ARSB: variants seen among roughly 807,000 people sequenced by gnomAD.
The protein encoded by ARSB is N-acetylgalactosamine-4-sulfatase.
In ARSB, 41 loss-of-function variants were observed where a neutral mutation model predicts 50.9. The ratio of observed to expected loss-of-function variants is 0.81; its 90% CI spans 0.63 to 1.04. The LOEUF is 1.04. Among genes scored for constraint, ARSB ranks in the 50% least tolerant of loss-of-function variants. The pLI is 0.00. For synonymous variants in ARSB, 269 were observed against 284.8 expected (o/e 0.94, Z 0.56); for missense variants, 672 against 693.3 (o/e 0.97, Z 0.35).
At chr5:78,950,169 G>A (rs954889615) in intron 4 of ARSB, among the ~76,000 whole-genome samples, 1 of 152,132 alleles carries the variant, frequency 6.6e-6, no homozygotes, top group Non-Finnish European at 1.5e-5. Context: ...CTTCCTAACA[G>A]CCACTAGTGC....
intron 5 of ARSB, among the ~76,000 whole-genome samples, chr5:78,858,528 T>C (rs1746268013): frequency 6.6e-6 from 1 of 152,146 alleles, no homozygotes; most frequent in African/African-American, 2.4e-5. Flanking sequence ...ATTTTCCTAT[T>C]AGTTGAAGGG....
chr5:78,910,286 G>C (rs1443967859), intron 4 of ARSB, among the ~76,000 whole-genome samples: 1 of 152,230 alleles, frequency 6.6e-6, no homozygotes, highest in East Asian at 1.9e-4. Flanking sequence ...CTTTGTCTCT[G>C]TGTCTTATTT....
intron 6 of ARSB, among the ~76,000 whole-genome samples, chr5:78,803,398 T>C (rs1054752532): frequency 2.0e-5 from 3 of 152,248 alleles, no homozygotes; most frequent in Non-Finnish European, 4.4e-5. Flanking sequence ...AAGAGAAATA[T>C]GTGCTACTAA....
chr5:78,922,634 G>A (rs1171231648), intron 4 of ARSB, among the ~76,000 whole-genome samples: 2 of 151,214 alleles, frequency 1.3e-5, no homozygotes, highest in Admixed American at 6.6e-5. Context: ...CAGCTGTGGT[G>A]CCTATAAGGA....
chr5:78,933,353 T>G (rs557751775), intron 4 of ARSB, among the ~76,000 whole-genome samples: 38 of 152,310 alleles, frequency 2.5e-4, no homozygotes, highest in Non-Finnish European at 2.6e-4. Context: ...CCAAGAAAAC[T>G]AGAGCCAGCT....
chr5:78,824,745 C>T (rs1744365585), intron 6 of ARSB, among the ~76,000 whole-genome samples: 1 of 152,128 alleles, frequency 6.6e-6, no homozygotes, highest in Non-Finnish European at 1.5e-5. Flanking sequence ...GAATCTGCCC[C>T]CAACTGCTGA....
At chr5:78,922,699 T>G (rs1033877988) in intron 4 of ARSB, among the ~76,000 whole-genome samples, 3 of 149,886 alleles carry the variant, frequency 2.0e-5, no homozygotes, top group Non-Finnish European at 4.4e-5. Context: ...ACTTTTGTCT[T>G]GCAGCTTAAG....
chr5:78,896,902 G>C (rs974605478), intron 4 of ARSB, among the ~76,000 whole-genome samples: 16 of 152,010 alleles, frequency 1.1e-4, no homozygotes, highest in South Asian at 4.1e-4. Flanking sequence ...GTGTAATACA[G>C]AGTAGAAAAA....
At chr5:78,843,519 A>C (rs998962686) in intron 5 of ARSB, among the ~76,000 whole-genome samples, 1 of 152,198 alleles carries the variant, frequency 6.6e-6, no homozygotes. Context: ...CCTGGGCATA[A>C]AGATTTATAA....
chr5:78,913,404 C>T (rs1460711801), intron 4 of ARSB, among the ~76,000 whole-genome samples: 1 of 152,210 alleles, frequency 6.6e-6, no homozygotes, highest in Non-Finnish European at 1.5e-5. Context: ...GGATTACAGG[C>T]GTGAGCCACC....
At chr5:78,858,645 C>T (rs530565628) in intron 5 of ARSB, among the ~76,000 whole-genome samples, 4 of 152,264 alleles carry the variant, frequency 2.6e-5, no homozygotes, top group Non-Finnish European at 5.9e-5. Context: ...CCCTGAAAGG[C>T]AGTATCAAAT....
chr5:78,877,500 T>C (rs1432633935), intron 5 of ARSB, among the ~76,000 whole-genome samples: 1 of 152,140 alleles, frequency 6.6e-6, no homozygotes, highest in Non-Finnish European at 1.5e-5. Flanking sequence ...GCGATTCTCC[T>C]GCCTCAGCCT....
chr5:78,978,199 C>T (rs941813611), intron 1 of ARSB, among the ~76,000 whole-genome samples: 4 of 151,834 alleles, frequency 2.6e-5, no homozygotes, highest in African/African-American at 9.7e-5. Flanking sequence ...ACTAGGTAGG[C>T]GTGGTGGTGG....
chr5:78,815,670 GA>G, intron 6 of ARSB: 1 of 1,011,462 alleles, frequency 9.9e-7, no homozygotes, highest in South Asian at 4.1e-5. Context: ...TATTCACTGG[GA>G]TGCTCAAAAG....
At chr5:78,985,349 G>A (rs988281681), upstream of ARSB, 2 of 1,133,664 alleles carry the variant, frequency 1.8e-6, no homozygotes, top group Admixed American at 4.4e-5. Flanking sequence ...GCCCCGGCGC[G>A]GGACGGCACC....
At chr5:78,816,216 A>C in intron 6 of ARSB, 2 of 1,604,580 alleles carry the variant, frequency 1.2e-6, no homozygotes, top group South Asian at 1.1e-5. Context: ...TTACAATCTC[A>C]CTAGACTGTG....
At chr5:78,867,552 G>A (rs1389907110) in intron 5 of ARSB, among the ~76,000 whole-genome samples, 1 of 151,956 alleles carries the variant, frequency 6.6e-6, no homozygotes, top group Non-Finnish European at 1.5e-5. Context: ...CCCCCAGCAG[G>A]GGCACACTGA....
chr5:78,794,015 C>A (rs961243515), intron 6 of ARSB, among the ~76,000 whole-genome samples: 1 of 152,038 alleles, frequency 6.6e-6, no homozygotes, highest in African/African-American at 2.4e-5. Context: ...CTGTAGAGCC[C>A]GTACATTTAG....
At chr5:78,934,168 C>T (rs1750480881) in intron 4 of ARSB, among the ~76,000 whole-genome samples, 1 of 152,202 alleles carries the variant, frequency 6.6e-6, no homozygotes, top group South Asian at 2.1e-4. Flanking sequence ...ACTTTAATGC[C>T]ATTTCTGGCA....
Sources: allele counts gnomAD v4.1 joint callset (sites outside exome capture counted in the v4.1 genomes callset), GRCh38; gene constraint gnomAD v4.1.1; transcripts MANE v1.5; gene names NCBI Gene and HGNC (gene_info 2026-07-23, HGNC 2026-07-21).